VIPAS39: variants seen among roughly 807,000 people sequenced by gnomAD.
VIPAS39 encodes spermatogenesis-defective protein 39 homolog.
A neutral mutation model predicts 84.7 loss-of-function variants in VIPAS39; 63 were observed. The ratio of observed to expected loss-of-function variants is 0.74; its 90% CI spans 0.61 to 0.92. The LOEUF (loss-of-function observed/expected upper bound fraction) is 0.92. Ranked by LOEUF, VIPAS39 falls within the 40% of genes least tolerant of loss-of-function variation. The pLI, the probability that VIPAS39 is intolerant of heterozygous loss-of-function variation, is 0.00. For missense variants in VIPAS39, 499 were observed against 604.5 expected (o/e 0.83, Z 1.83); for synonymous variants, 192 against 216.5 (o/e 0.89, Z 0.99).
rs2078719414 is a variant in VIPAS39, at chr14:77,442,553, T to C, written c.734+7A>G. On this transcript the variant is annotated splice_region_variant and intron_variant, in intron 10 of 19. Coordinates refer to ENST00000557658, the MANE Select transcript of VIPAS39 (RefSeq NM_001193315.2). ...TAAACTTTATAGACCAGATGATCAGTTCTTACCTGAAGAGGTCTAAAAGCA... is the reference window on the plus strand; with the variant it reads ...TAAACTTTATAGACCAGATGATCAGCTCTTACCTGAAGAGGTCTAAAAGCA... 3.7e-6 allele frequency: 6 copies of C among 1,610,014 alleles called. No homozygotes were observed. In the African/African-American group the frequency reaches 5.3e-5, roughly 14 times the overall value.
At chr14:77,449,877 G>T in intron 4 of VIPAS39, 125 bp from the exon 5 acceptor site, 1 of 1,155,666 alleles carries the variant, frequency 8.7e-7, no homozygotes, top group Non-Finnish European at 1.3e-6. Context: ...CTTAAAAAAG[G>T]TTTTATTCAT....
Position 77,437,883 on chromosome 14 carries a change from T to C in VIPAS39, c.763-2A>G, listed in dbSNP as rs1374280489. 6.2e-7 allele frequency: 1 copy of C among 1,614,108 alleles called. No individual in the cohort carries two copies. Among genetic ancestry groups the C allele is most frequent in the South Asian group, 1.1e-5 (1 of 91,082 alleles). On this transcript the variant is annotated splice_acceptor_variant, in intron 11 of 19. Transcript: ENST00000557658. LOFTEE classifies it high-confidence loss of function. The stretch of plus-strand genomic sequence containing the variant: ...CAAATGCTCTCGATAATGAGATAGC[T>C]ACAAAAAGCAGAAAAAGGCTTTGAG...
chr14:77,446,816 A>AT (rs1337952513), intron 7 of VIPAS39, among the ~76,000 whole-genome samples: 1 of 151,786 alleles, frequency 6.6e-6, no homozygotes, highest in African/African-American at 2.4e-5. Context: ...TTTTCTTCTT[A>AT]TTTTTTTCTT....
At position 77,434,270 on chromosome 14, in the gene VIPAS39, T is replaced by C. The variant is rs201857750; in HGVS notation, c.1081A>G (p.Thr361Ala). ...GACCAATTTGTATCTACCTTAAATG[T>C]CTTCTTCAGGTTGACGGGACTGCTG... ...TFSSPVNLKK[T>A]FKIPDKQYVL... The change falls in exon 15 of 20, where the codon ACA (threonine) becomes GCA (alanine). Residue 361 changes from threonine to alanine, a missense_variant. Thr to Ala is a moderately conservative substitution (Grantham distance 58). Coordinates refer to ENST00000557658, the MANE Select transcript of VIPAS39 (RefSeq NM_001193315.2). The C allele has an allele frequency of 2.1e-4, 344 of 1,614,012 alleles. No homozygotes were observed. Among genetic ancestry groups the C allele is most frequent in the Non-Finnish European group, 2.8e-4 (325 of 1,179,984 alleles).
intron 11 of VIPAS39, among the ~76,000 whole-genome samples, chr14:77,438,176 C>G (rs2078644281): frequency 6.6e-6 from 1 of 151,966 alleles, no homozygotes; most frequent in South Asian, 2.1e-4. Flanking sequence ...AAGAACTCAA[C>G]AGCTACATGT....
At chr14:77,455,564 G>A (rs909941707) in intron 1 of VIPAS39, among the ~76,000 whole-genome samples, 3 of 152,134 alleles carry the variant, frequency 2.0e-5, no homozygotes, top group African/African-American at 7.2e-5. Flanking sequence ...TTTAAGCCAA[G>A]GACTGGGTAT....
chr14:77,437,830 C>A lies in VIPAS39; in HGVS notation c.814G>T (p.Glu272Ter), dbSNP rs1594902102. The A allele has an allele frequency of 6.2e-7, 1 of 1,614,094 alleles. No individual in the cohort carries two copies. The highest frequency in any genetic ancestry group is 8.5e-7 in the Non-Finnish European group (1 of 1,180,004). The change falls in exon 12 of 20, where the codon GAA (glutamate) becomes TAA (stop). Residue 272 changes from glutamate (E) to a stop codon, truncating the protein, a stop_gained. Coordinates refer to ENST00000557658, the MANE Select transcript of VIPAS39 (RefSeq NM_001193315.2). LOFTEE classifies it high-confidence loss of function. ...TACCCAACACAGGTTTTAAGAAATT[C>A]TTTTCGTTTGTCAGGGTCCTGAATG... ...LNIQDPDKRK[E>*]FLKTCVGLPF...
At chr14:77,430,631 C>T (rs1403363952) in intron 16 of VIPAS39, among the ~76,000 whole-genome samples, 1 of 149,556 alleles carries the variant, frequency 6.7e-6, no homozygotes, top group African/African-American at 2.5e-5. Context: ...GCAGGAGATT[C>T]AGTGGAACCC....
chr14:77,445,963 T>C lies in VIPAS39; in HGVS notation c.505-1622A>G, dbSNP rs2078782392. 1.3e-5 allele frequency among the ~76,000 whole-genome samples: 2 copies of C among 151,664 alleles called. 1 individual carries two copies. Among genetic ancestry groups the C allele is most frequent in the South Asian group, 4.2e-4 (2 of 4,810 alleles). On this transcript the variant is annotated intron_variant, in intron 7 of 19. Transcript: ENST00000557658. Reference sequence around the variant, plus strand: ...TCAAAAAAAAAAAAAAAAAGTTTTATATATATTCTGGATGAAAGTCCTTTA... The same window carrying C: ...TCAAAAAAAAAAAAAAAAAGTTTTACATATATTCTGGATGAAAGTCCTTTA...
At chr14:77,448,157 T>C (rs1202120724) in intron 7 of VIPAS39, among the ~76,000 whole-genome samples, 13 of 151,986 alleles carry the variant, frequency 8.6e-5, no homozygotes, top group Admixed American at 7.2e-4. Flanking sequence ...GGTTTCACCA[T>C]GTTGGCCAGG....
rs561375605 is a variant in VIPAS39 at position 77,452,426 on chromosome 14, CTTTA to C, written c.196+869_196+872del. On this transcript the variant is annotated intron_variant, in intron 3 of 19. Coordinates refer to ENST00000557658, the MANE Select transcript of VIPAS39 (RefSeq NM_001193315.2). Reference sequence around the variant, plus strand: ...AGACCTTTAATTTTTTTTTTTTAATCTTTAGTCACATTATAGTATGGCCTATTTT... The same window carrying C: ...AGACCTTTAATTTTTTTTTTTTAATCGTCACATTATAGTATGGCCTATTTT... Among the ~76,000 whole-genome samples the C allele has an allele frequency of 4.6e-3, 685 of 150,450 alleles. 4 individuals carry two copies. Among genetic ancestry groups the C allele is most frequent in the Middle Eastern group, 0.014 (4 of 288 alleles).
intron 14 of VIPAS39, among the ~76,000 whole-genome samples, chr14:77,434,767 C>T (rs1307452694): frequency 2.0e-5 from 3 of 151,666 alleles, no homozygotes; most frequent in Non-Finnish European, 4.4e-5. Flanking sequence ...GGAGTGGTGG[C>T]GCACACCTGT....
rs751681078 is a variant in VIPAS39 at position 77,427,568 on chromosome 14, A to G, written c.*48T>C. 6.2e-7 allele frequency: 1 copy of G among 1,613,042 alleles called. No individual in the cohort carries two copies. The highest frequency in any genetic ancestry group is 8.5e-7 in the Non-Finnish European group (1 of 1,179,014). On this transcript the variant is annotated 3_prime_UTR_variant, in exon 20 of 20. Transcript: ENST00000557658. The stretch of plus-strand genomic sequence containing the variant: ...AAAGAAGAGCTCTCTCTGCTTTCAC[A>G]GGCAGGAGAGGAGGAAATGAGGCAG...
chr14:77,442,471 C>A (rs976852860), intron 10 of VIPAS39, 89 bp downstream of exon 10: 6 of 1,080,368 alleles, frequency 5.6e-6, no homozygotes, highest in African/African-American at 4.7e-5. Context: ...AGGAAAAGGG[C>A]AGTTGGCGTC....
chr14:77,448,517 C>T lies in VIPAS39; in HGVS notation c.481G>A (p.Val161Met), dbSNP rs773898721. The T allele has an allele frequency of 3.7e-6, 6 of 1,614,184 alleles. No individual in the cohort carries two copies. Among genetic ancestry groups the T allele is most frequent in the Non-Finnish European group, 5.1e-6 (6 of 1,180,024 alleles). Residue 161 changes from valine (V) to methionine (M), a missense_variant, in exon 7 of 20, where the codon GTG (valine) becomes ATG (methionine). Physicochemically the swap from Val to Met is conservative, Grantham distance 21. Transcript: ENST00000557658. ...ACCTTGCCCTTCCGGAGACGTCGCA[C>T]TGTATCACTGGGGCTCCAGTCATTG... is the stretch of plus-strand genomic sequence containing the variant. ...YSNDWSPSDTVRRLRKGKVCS... is the reference protein window; with the variant it reads ...YSNDWSPSDTMRRLRKGKVCS...
chr14:77,447,965 C>CTTTTTTTTTTT (rs1301071234), intron 7 of VIPAS39, among the ~76,000 whole-genome samples: 13 of 138,876 alleles, frequency 9.4e-5, no homozygotes, highest in African/African-American at 3.5e-4. Flanking sequence ...CCCGGCTTCT[C>CTTTTTTTTTTT]TTTTTTTTTT....
In VIPAS39 at chr14:77,448,489, C is replaced by T; in HGVS notation, c.504+5G>A. The T allele has an allele frequency of 2.5e-6, 4 of 1,614,156 alleles. No individual in the cohort carries two copies. The highest frequency in any genetic ancestry group is 2.2e-5 in the East Asian group (1 of 44,886). ...AAGAACCTCACAAAAATTCTCTGTC[C>T]TTACCTTGCCCTTCCGGAGACGTCG... On this transcript the variant is annotated splice_donor_5th_base_variant and intron_variant, in intron 7 of 19. Coordinates refer to ENST00000557658, the MANE Select transcript of VIPAS39 (RefSeq NM_001193315.2).
At chr14:77,436,855 A>G (rs190573428) in intron 12 of VIPAS39, among the ~76,000 whole-genome samples, 9 of 152,308 alleles carry the variant, frequency 5.9e-5, no homozygotes, top group Non-Finnish European at 8.8e-5. Flanking sequence ...GTTCACAGAT[A>G]TATCTTTTAG....
At position 77,442,678 on chromosome 14, in the gene VIPAS39, G is replaced by C; in HGVS notation, c.632-16C>G. On this transcript the variant is annotated splice_polypyrimidine_tract_variant and intron_variant, in intron 9 of 19. Transcript: ENST00000557658. ...AAGAGGATCTCTGTCAGACAGTCAG[G>C]AGTTAAGTTGAGAAAGATTAAAGCC... 1 of 1,611,622 alleles carries C rather than the reference G, an allele frequency of 6.2e-7. No individual in the cohort carries two copies. The highest frequency in any genetic ancestry group is 8.5e-7 in the Non-Finnish European group (1 of 1,177,896).
Sources: allele counts gnomAD v4.1 joint callset (sites outside exome capture counted in the v4.1 genomes callset), GRCh38; gene constraint gnomAD v4.1.1; transcripts MANE v1.5; gene names NCBI Gene and HGNC (gene_info 2026-07-23, HGNC 2026-07-21).